GFRAL: variants seen among roughly 807,000 people sequenced by gnomAD.
GFRAL encodes the protein GDNF family receptor alpha-like.
In GFRAL, 36 loss-of-function variants were observed where a neutral mutation model predicts 45.4. The observed-to-expected ratio is 0.79, with a 90% CI of 0.61 to 1.05. The LOEUF (loss-of-function observed/expected upper bound fraction) is 1.05. Among genes scored for constraint, GFRAL ranks in the 50% least tolerant of loss-of-function variants. The pLI is 0.00. For missense variants in GFRAL, 507 were observed against 467.5 expected, an observed-to-expected ratio of 1.08 and a Z score of -0.78; for synonymous variants, 166 against 154.1, an observed-to-expected ratio of 1.08 and a Z score of -0.57.
At chr6:55,346,540 C>T (rs969560823) in intron 3 of GFRAL, among the ~76,000 whole-genome samples, 86 of 150,766 alleles carry the variant, frequency 5.7e-4, no homozygotes, top group African/African-American at 2.0e-3. Context: ...CGGGGCCTGT[C>T]GTGGGGTGGT....
At chr6:55,385,263 T>C (rs1248292034) in intron 6 of GFRAL, among the ~76,000 whole-genome samples, 1 of 152,094 alleles carries the variant, frequency 6.6e-6, no homozygotes, top group Non-Finnish European at 1.5e-5. Flanking sequence ...CTCCACATTG[T>C]AAAATGATGA....
intron 6 of GFRAL, among the ~76,000 whole-genome samples, chr6:55,371,085 A>AT (rs556355572): frequency 2.6e-5 from 4 of 152,054 alleles, no homozygotes; most frequent in Non-Finnish European, 5.9e-5. Flanking sequence ...ACAGATATAT[A>AT]TTTTTTTCTT....
chr6:55,349,125 T>C (rs1378369998), intron 3 of GFRAL, among the ~76,000 whole-genome samples: 2 of 151,690 alleles, frequency 1.3e-5, no homozygotes, highest in Admixed American at 6.6e-5. Context: ...ATTAAAAAAA[T>C]GAAAAACAAT....
intron 6 of GFRAL, among the ~76,000 whole-genome samples, chr6:55,390,440 T>C (rs1278946982): frequency 6.6e-6 from 1 of 152,208 alleles, no homozygotes; most frequent in Admixed American, 6.5e-5. Flanking sequence ...ATTGGGAACA[T>C]GCCATTTTTA....
At chr6:55,342,096 C>A (rs145208230) in intron 3 of GFRAL, among the ~76,000 whole-genome samples, 2 of 152,196 alleles carry the variant, frequency 1.3e-5, no homozygotes, top group Admixed American at 1.3e-4. Flanking sequence ...TTGGAAAACA[C>A]TCTGCAGGAT....
chr6:55,341,640 C>T (rs1244277871), intron 3 of GFRAL, among the ~76,000 whole-genome samples: 1 of 152,174 alleles, frequency 6.6e-6, no homozygotes, highest in African/African-American at 2.4e-5. Context: ...AGGAATGCAA[C>T]ACCTCGCCAG....
Position 55,399,374 on chromosome 6 carries a change from G to C in GFRAL, c.1054G>C (p.Val352Leu). 1.9e-6 allele frequency: 3 copies of C among 1,607,794 alleles called. No individual in the cohort carries two copies. Among genetic ancestry groups the C allele is most frequent in the Non-Finnish European group, 2.6e-6 (3 of 1,175,422 alleles). The part of the protein sequence containing the change: ...TGFHSPFNGE[V>L]IYAAMCMTVT... Reference sequence around the variant, plus strand: ...TAATCTTTTTCTTTTTCTAGGAGAAGTAATCTATGCTGCCATGTGCATGAC... The same window carrying C: ...TAATCTTTTTCTTTTTCTAGGAGAACTAATCTATGCTGCCATGTGCATGAC... Residue 352 changes from valine to leucine, a missense_variant, in exon 8 of 9, where the codon GTA becomes CTA. Coordinates refer to ENST00000340465, the MANE Select transcript of GFRAL (RefSeq NM_207410.2).
rs548571972 is a variant in GFRAL, at chr6:55,388,312, T to C, written c.953-10868T>C. 8.5e-5 allele frequency among the ~76,000 whole-genome samples: 13 copies of C among 152,264 alleles called. No homozygotes were observed. In the South Asian group the frequency reaches 2.7e-3, roughly 32 times the overall value. On this transcript the variant is annotated intron_variant, in intron 6 of 8. Coordinates refer to ENST00000340465, the MANE Select transcript of GFRAL (RefSeq NM_207410.2). ...GCTTTAGTTAGGAGTGAAGGCGATC[T>C]GAAACAAGAAAAGCCACATAACTCT...
intron 5 of GFRAL, among the ~76,000 whole-genome samples, chr6:55,354,150 C>A (rs1768155937): frequency 6.6e-6 from 1 of 151,976 alleles, no homozygotes; most frequent in African/African-American, 2.4e-5. Flanking sequence ...TTCTGAGCAT[C>A]CACATCAAAG....
chr6:55,351,346 G>T lies in GFRAL; in HGVS notation c.464G>T (p.Cys155Phe). 4 of 1,613,638 alleles carry T rather than the reference G, an allele frequency of 2.5e-6. No individual in the cohort carries two copies. Among genetic ancestry groups the T allele is most frequent in the Non-Finnish European group, 3.4e-6 (4 of 1,179,736 alleles). Residue 155 changes from cysteine to phenylalanine, a missense_variant, in exon 5 of 9, where the codon TGC (cysteine) becomes TTC (phenylalanine). Physicochemically the swap from Cys to Phe is radical, Grantham distance 205. Coordinates refer to ENST00000340465, the MANE Select transcript of GFRAL (RefSeq NM_207410.2). ...CAGTTGGCCTCTTACCTTAAAGCTT[G>T]CTCAGCAAATGGAAATCCGTGTGAT... ...NAQLASYLKA[C>F]SANGNPCDLK...
At chr6:55,360,249 C>G (rs987888158) in intron 6 of GFRAL, among the ~76,000 whole-genome samples, 14 of 151,876 alleles carry the variant, frequency 9.2e-5, no homozygotes, top group Admixed American at 9.2e-4. Flanking sequence ...CCAAACTTCC[C>G]CAGGCCCCTA....
chr6:55,354,027 T>A lies in GFRAL; in HGVS notation c.701+2444T>A, dbSNP rs1160621122. On this transcript the variant is annotated intron_variant, in intron 5 of 8. Coordinates refer to ENST00000340465, the MANE Select transcript of GFRAL (RefSeq NM_207410.2). ...CAATAGCAAAATCACTATAAAAATATCAGATTTATTCACAGATGGGTACCC... is the reference window on the plus strand; with the variant it reads ...CAATAGCAAAATCACTATAAAAATAACAGATTTATTCACAGATGGGTACCC... Among the ~76,000 whole-genome samples, 3 of 152,038 alleles carry A rather than the reference T, an allele frequency of 2.0e-5. No individual in the cohort carries two copies. The East Asian group carries it at 5.8e-4, about 29-fold the overall frequency.
At chr6:55,343,085 T>G (rs1449141696) in intron 3 of GFRAL, among the ~76,000 whole-genome samples, 1 of 152,108 alleles carries the variant, frequency 6.6e-6, no homozygotes, top group Non-Finnish European at 1.5e-5. Flanking sequence ...ATGGGAGATT[T>G]TAACACCCCA....
rs1365247688 is a variant in GFRAL, at chr6:55,399,416, C to T, written c.1096C>T (p.Leu366Phe). 6.2e-7 allele frequency: 1 copy of T among 1,610,692 alleles called. No homozygotes were observed. The highest frequency in any genetic ancestry group is 8.5e-7 in the Non-Finnish European group (1 of 1,177,150). The part of the protein sequence containing the change: ...AMCMTVTCGI[L>F]LLVMVKLRTS... Reference sequence around the variant, plus strand: ...GTGCATGACAGTCACCTGTGGAATCCTTCTGTTGGTTATGGTCAAGCTTAG... The same window carrying T: ...GTGCATGACAGTCACCTGTGGAATCTTTCTGTTGGTTATGGTCAAGCTTAG... Residue 366 changes from leucine (L) to phenylalanine (F), a missense_variant, in exon 8 of 9, where the codon CTT becomes TTT. Transcript: ENST00000340465.
intron 6 of GFRAL, among the ~76,000 whole-genome samples, chr6:55,373,100 A>C (rs1581753694): frequency 6.6e-6 from 1 of 151,904 alleles, no homozygotes; most frequent in African/African-American, 2.4e-5. Flanking sequence ...AAAAAAAAAA[A>C]AACTTCTATT....
intron 6 of GFRAL, among the ~76,000 whole-genome samples, chr6:55,375,941 T>G (rs1331369007): frequency 6.6e-6 from 1 of 152,186 alleles, no homozygotes; most frequent in African/African-American, 2.4e-5. Flanking sequence ...GTGCTGGTGT[T>G]CAAGGGGAAT....
chr6:55,369,585 G>C (rs1197339783), intron 6 of GFRAL, among the ~76,000 whole-genome samples: 2 of 151,994 alleles, frequency 1.3e-5, no homozygotes, highest in Non-Finnish European at 2.9e-5. Flanking sequence ...TACAGACATT[G>C]CTGCAATAAA....
chr6:55,392,282 C>T (rs1365214195), intron 6 of GFRAL, among the ~76,000 whole-genome samples: 15 of 152,136 alleles, frequency 9.9e-5, no homozygotes, highest in African/African-American at 2.2e-4. Context: ...AAGAACTTTA[C>T]GGGAGCAAGG....
chr6:55,347,893 C>G (rs1768064493), intron 3 of GFRAL, among the ~76,000 whole-genome samples: 4 of 152,074 alleles, frequency 2.6e-5, no homozygotes, highest in African/African-American at 9.7e-5. Context: ...GCATTTAATT[C>G]AACTAGTCAT....
Sources: gnomAD v4.1 joint callset for allele counts (sites outside exome capture counted in the v4.1 genomes callset) on GRCh38, gnomAD v4.1.1 for gene constraint, MANE v1.5 for transcripts, NCBI Gene and HGNC (gene_info 2026-07-23, HGNC 2026-07-21) for gene names.